Variants in NEO1 observed in about 807,000 individuals in gnomAD.
NEO1 encodes the protein neogenin.
A neutral mutation model predicts 159.7 loss-of-function variants in NEO1; 63 were observed. That is an observed-to-expected ratio of 0.39 (90% CI 0.32 to 0.49). The LOEUF (loss-of-function observed/expected upper bound fraction) is 0.49. Ranked by LOEUF, NEO1 falls within the 20% of genes least tolerant of loss-of-function variation. The pLI is 0.85. For synonymous variants in NEO1, 633 were observed against 662.0 expected, an observed-to-expected ratio of 0.96 and a Z score of 0.67; for missense variants, 1,615 against 1,831.0, an observed-to-expected ratio of 0.88 and a Z score of 2.15.
At chr15:73,252,526 T>C (rs1016733355) in intron 11 of NEO1, among the ~76,000 whole-genome samples, 5 of 152,208 alleles carry the variant, frequency 3.3e-5, no homozygotes, top group African/African-American at 1.2e-4. Flanking sequence ...TAAATATCTT[T>C]GCTGTACTTG....
At chr15:73,135,818 TG>T (rs962677671) in intron 4 of NEO1, 72 bp from the exon 5 acceptor site, 3 of 1,307,344 alleles carry the variant, frequency 2.3e-6, no homozygotes, top group Non-Finnish European at 3.0e-6. Flanking sequence ...CTCTATTTTA[TG>T]TGGAGAGTTT....
intron 4 of NEO1, among the ~76,000 whole-genome samples, chr15:73,128,460 T>C (rs867950620): frequency 6.6e-6 from 1 of 152,182 alleles, no homozygotes; most frequent in Non-Finnish European, 1.5e-5. Flanking sequence ...CAGAAATAAA[T>C]GTGAGGCTTT....
intron 22 of NEO1, among the ~76,000 whole-genome samples, chr15:73,282,236 A>G (rs11639213): frequency 6.6e-6 from 1 of 151,908 alleles, no homozygotes; most frequent in Non-Finnish European, 1.5e-5. Flanking sequence ...CTGTATCATA[A>G]CCCCTCATTT....
At chr15:73,245,362 A>G (rs147427842) in intron 9 of NEO1, among the ~76,000 whole-genome samples, 1 of 152,274 alleles carries the variant, frequency 6.6e-6, no homozygotes, top group East Asian at 1.9e-4. Flanking sequence ...AAATAGGGTT[A>G]CTTCTAATTA....
At chr15:73,124,843 A>G (rs1270483814) in intron 3 of NEO1, among the ~76,000 whole-genome samples, 2 of 152,342 alleles carry the variant, frequency 1.3e-5, no homozygotes, top group South Asian at 4.1e-4. Context: ...GTCTGCTGCC[A>G]AAAACACTTT....
intron 5 of NEO1, among the ~76,000 whole-genome samples, chr15:73,144,395 A>G (rs1447524805): frequency 2.0e-5 from 3 of 152,144 alleles, no homozygotes; most frequent in Non-Finnish European, 4.4e-5. Flanking sequence ...AAACTCTTAC[A>G]CATTTATTAC....
In NEO1 at chr15:73,272,541, G is replaced by A; in HGVS notation, c.2944G>A (p.Glu982Lys). The A allele has an allele frequency of 6.2e-7, 1 of 1,612,200 alleles. No homozygotes were observed. The highest frequency in any genetic ancestry group is 8.5e-7 in the Non-Finnish European group (1 of 1,178,340). The change falls in exon 19 of 29, where the codon GAA becomes AAA. Residue 982 changes from glutamate (E) to lysine (K), a missense_variant. Physicochemically the swap from Glu to Lys is moderately conservative, Grantham distance 56. Around this residue, in one of 3 missense-constraint regions of NEO1, gnomAD observed 126 missense variants for 216.7 expected, o/e 0.58. Transcript: ENST00000261908. ...AATTGTGAATTGGCAGCCTCCCTCC[G>A]AAGCCAATGGCAAAATTACAGGTAA... ...TIIVNWQPPS[E>K]ANGKITGYII...
At chr15:73,278,882 A>G (rs1205952044) in intron 22 of NEO1, among the ~76,000 whole-genome samples, 1 of 152,082 alleles carries the variant, frequency 6.6e-6, no homozygotes, top group African/African-American at 2.4e-5. Context: ...TGCTTTTCCC[A>G]CTGTCACATT....
At chr15:73,166,264 A>G (rs567761516) in intron 5 of NEO1, among the ~76,000 whole-genome samples, 1 of 152,348 alleles carries the variant, frequency 6.6e-6, no homozygotes, top group Non-Finnish European at 1.5e-5. Context: ...TACAGCGAAA[A>G]GTATAGTTGC....
intron 5 of NEO1, among the ~76,000 whole-genome samples, chr15:73,139,261 C>T (rs556224354): frequency 1.3e-5 from 2 of 151,980 alleles, no homozygotes; most frequent in Non-Finnish European, 2.9e-5. Flanking sequence ...TTGGTCTTTG[C>T]AAAGACCAAC....
At chr15:73,116,010 C>T (rs1050274755) in intron 1 of NEO1, among the ~76,000 whole-genome samples, 9 of 151,794 alleles carry the variant, frequency 5.9e-5, no homozygotes, top group Non-Finnish European at 1.0e-4. Context: ...ATTATAAAGT[C>T]AAATGGAAAA....
At chr15:73,078,798 T>A (rs894707146) in intron 1 of NEO1, among the ~76,000 whole-genome samples, 1 of 152,236 alleles carries the variant, frequency 6.6e-6, no homozygotes, top group African/African-American at 2.4e-5. Flanking sequence ...CTGGTTAACC[T>A]CTCTGTGCTT....
At chr15:73,242,617 C>T (rs2039547707) in intron 8 of NEO1, among the ~76,000 whole-genome samples, 1 of 152,128 alleles carries the variant, frequency 6.6e-6, no homozygotes, top group African/African-American at 2.4e-5. Context: ...CTTCAGTGAG[C>T]CAAGATCACA....
chr15:73,065,321 C>G (rs1235461088), intron 1 of NEO1, among the ~76,000 whole-genome samples: 1 of 149,872 alleles, frequency 6.7e-6, no homozygotes, highest in Non-Finnish European at 1.5e-5. Flanking sequence ...TTCTGCATCT[C>G]TGATCTTTCA....
chr15:73,211,637 C>T (rs2037577041), intron 7 of NEO1, among the ~76,000 whole-genome samples: 1 of 152,174 alleles, frequency 6.6e-6, no homozygotes, highest in Non-Finnish European at 1.5e-5. Flanking sequence ...ATCACTTGAA[C>T]CAGGGAGTCA....
chr15:73,135,933 C>G lies in NEO1; in HGVS notation c.921C>G (p.Ile307Met). The G allele has an allele frequency of 6.3e-7, 1 of 1,597,004 alleles. No individual in the cohort carries two copies. The highest frequency in any genetic ancestry group is 8.5e-7 in the Non-Finnish European group (1 of 1,173,904). Residue 307 changes from isoleucine to methionine, a missense_variant, in exon 5 of 29, where the codon ATC becomes ATG. Ile to Met is a conservative substitution (Grantham distance 10). This residue lies in a region of NEO1 where 1,018 missense variants were observed against 1,115.4 expected (regional missense o/e 0.91). Transcript: ENST00000261908. ...LVLLAGGSLE[I>M]SDVTEDDAGT... is the part of the protein sequence containing the mutation. ...TGCTGGCAGGTGGTAGCCTGGAGAT[C>G]AGTGATGTTACTGAGGATGATGCTG...
intron 5 of NEO1, among the ~76,000 whole-genome samples, chr15:73,163,320 C>T (rs918533956): frequency 6.6e-6 from 1 of 152,086 alleles, no homozygotes; most frequent in Admixed American, 6.5e-5. Flanking sequence ...AATGCAGTAA[C>T]ATTATTAAAG....
intron 5 of NEO1, among the ~76,000 whole-genome samples, chr15:73,153,924 T>C (rs1192816694): frequency 1.3e-5 from 2 of 152,188 alleles, no homozygotes; most frequent in East Asian, 3.8e-4. Flanking sequence ...GTAGTAGAAT[T>C]ATGAGGCATT....
intron 7 of NEO1, among the ~76,000 whole-genome samples, chr15:73,191,841 A>G (rs1457302734): frequency 1.3e-5 from 2 of 152,020 alleles, no homozygotes; most frequent in South Asian, 2.1e-4. Context: ...ATAAAAGTAA[A>G]TTTACTTTTT....
Sources: allele counts gnomAD v4.1 joint callset (sites outside exome capture counted in the v4.1 genomes callset), GRCh38; gene constraint gnomAD v4.1.1; regional missense constraint gnomAD v4.1.1; transcripts MANE v1.5; gene names NCBI Gene and HGNC (gene_info 2026-07-23, HGNC 2026-07-21).